The following MYO16 variants were observed in gnomAD, a reference collection of about 807,000 sequenced individuals.
The protein encoded by MYO16 is unconventional myosin-XVI.
In MYO16, 94 loss-of-function variants were observed where a neutral mutation model predicts 205.3. That is an observed-to-expected ratio of 0.46 (90% CI 0.39 to 0.54). The LOEUF (loss-of-function observed/expected upper bound fraction) is 0.54, where lower values mean the gene tolerates loss of function less well. MYO16 is among the 20% of genes least tolerant of loss of function. The pLI is 0.00. For synonymous variants in MYO16, 988 were observed against 954.0 expected, an observed-to-expected ratio of 1.04 and a Z score of -0.66; for missense variants, 2,315 against 2,387.5, an observed-to-expected ratio of 0.97 and a Z score of 0.63.
intron 4 of MYO16, among the ~76,000 whole-genome samples, chr13:108,759,740 G>C (rs1169157788): frequency 6.6e-6 from 1 of 150,820 alleles, no homozygotes; most frequent in Non-Finnish European, 1.5e-5. Flanking sequence ...AGAATGGCGT[G>C]AACCCAGGAG....
intron 20 of MYO16, among the ~76,000 whole-genome samples, chr13:108,969,097 A>ATT (rs1223920552): frequency 2.6e-5 from 4 of 152,142 alleles, no homozygotes; most frequent in Non-Finnish European, 5.9e-5. Context: ...AGTGAGTTGG[A>ATT]TCTTTTTTTG....
chr13:108,994,251 T>C (rs1217253918), intron 21 of MYO16, among the ~76,000 whole-genome samples: 1 of 152,076 alleles, frequency 6.6e-6, no homozygotes, highest in Non-Finnish European at 1.5e-5. Context: ...AAGCTAGCTT[T>C]AGGCATTTAT....
At chr13:108,556,337 A>G in the MYO16 span, among the ~76,000 whole-genome samples, 1 of 152,288 alleles carries the variant, frequency 6.6e-6, no homozygotes, top group Admixed American at 6.5e-5. Context: ...TTTAATGGGT[A>G]TGAGGTAATA....
chr13:108,761,934 G>T (rs1448196378), intron 4 of MYO16, among the ~76,000 whole-genome samples: 1 of 152,200 alleles, frequency 6.6e-6, no homozygotes, highest in South Asian at 2.1e-4. Context: ...TGAAGTTGTG[G>T]CTTTTAGGGT....
At chr13:109,100,703 T>A (rs1018931443) in intron 27 of MYO16, 82 bp from the exon 28 acceptor site, 28 of 1,094,050 alleles carry the variant, frequency 2.6e-5, no homozygotes, top group Non-Finnish European at 3.8e-5. Context: ...TGGGAAACGA[T>A]GTAACAAAGA....
chr13:109,195,057 G>A (rs1479742345), intron 34 of MYO16, among the ~76,000 whole-genome samples: 3 of 151,042 alleles, frequency 2.0e-5, no homozygotes, highest in African/African-American at 4.9e-5. Flanking sequence ...AAAAAAAAAA[G>A]GTACTTAAAT....
chr13:108,762,721 C>T (rs1885650001), intron 4 of MYO16, among the ~76,000 whole-genome samples: 2 of 152,150 alleles, frequency 1.3e-5, no homozygotes, highest in South Asian at 4.1e-4. Context: ...CAACTACATT[C>T]TGGAATTTTA....
chr13:108,634,988 T>C lies in MYO16; in HGVS notation c.28+5116T>C, dbSNP rs560303637. Among the ~76,000 whole-genome samples the C allele has an allele frequency of 2.0e-5, 3 of 152,360 alleles. No individual in the cohort carries two copies. The South Asian group carries it at 6.2e-4, about 32-fold the overall frequency. ...AAATTATATATCTAGGCATTGTTTC[T>C]TGATAGCTAAGTAGTGTAATAGTCT... is the stretch of plus-strand genomic sequence containing the variant. On this transcript the variant is annotated intron_variant, in intron 1 of 34. Transcript: ENST00000457511.
At chr13:108,897,874 C>T in intron 14 of MYO16, 142 bp from the exon 15 acceptor site, 1 of 682,042 alleles carries the variant, frequency 1.5e-6, no homozygotes, top group Non-Finnish European at 2.5e-6. Context: ...AAAAAGGGGT[C>T]TTAAAAATTC....
At chr13:108,811,390 G>C (rs1187213227) in intron 7 of MYO16, among the ~76,000 whole-genome samples, 2 of 151,556 alleles carry the variant, frequency 1.3e-5, no homozygotes, top group African/African-American at 4.9e-5. Flanking sequence ...TTTGATGTTT[G>C]CCATGTCTTT....
rs1566460439 is a variant in MYO16 at position 109,012,777 on chromosome 13, G to GTATA, written c.2595+3729_2595+3730insATAT. Among the ~76,000 whole-genome samples, 3 of 87,950 alleles carry GTATA rather than the reference G, an allele frequency of 3.4e-5. No individual in the cohort carries two copies. In the South Asian group the frequency reaches 1.3e-3, roughly 38 times the overall value. The allele number at this position is 87,950 out of a possible 152,430, so 57.7% of individuals were successfully genotyped here. On this transcript the variant is annotated intron_variant, in intron 22 of 34. Transcript: ENST00000457511. ...TTTCAAATTGTTGTTATATGTGTGTGTGTATATATATATATATATATGTAT... is the reference window on the plus strand; with the variant it reads ...TTTCAAATTGTTGTTATATGTGTGTGTATATGTATATATATATATATATATGTAT...
the MYO16 span, among the ~76,000 whole-genome samples, chr13:108,558,121 T>A: frequency 6.6e-6 from 1 of 152,204 alleles, no homozygotes; most frequent in Admixed American, 6.5e-5. Context: ...TAAATATCAA[T>A]TTTCCACAAA....
At chr13:109,191,967 C>A (rs563199098) in intron 34 of MYO16, among the ~76,000 whole-genome samples, 21 of 152,170 alleles carry the variant, frequency 1.4e-4, no homozygotes, top group African/African-American at 4.1e-4. Context: ...GAGAGAGACT[C>A]CAGGGAATCT....
At chr13:109,099,720 A>C (rs776393121) in intron 27 of MYO16, among the ~76,000 whole-genome samples, 6 of 152,138 alleles carry the variant, frequency 3.9e-5, no homozygotes, top group Non-Finnish European at 7.4e-5. Context: ...AAAATAAGAC[A>C]CACGTGTGAT....
chr13:109,007,424 G>T (rs1041317593), intron 21 of MYO16, among the ~76,000 whole-genome samples: 7 of 151,854 alleles, frequency 4.6e-5, no homozygotes, highest in Non-Finnish European at 1.0e-4. Context: ...TGTGCACATT[G>T]CTGATGACTT....
At chr13:108,715,909 T>C (rs954082548) in intron 3 of MYO16, among the ~76,000 whole-genome samples, 1 of 152,218 alleles carries the variant, frequency 6.6e-6, no homozygotes, top group African/African-American at 2.4e-5. Flanking sequence ...TAATGGAATA[T>C]GTGGCTTTTT....
chr13:109,038,231 C>T (rs1411037552), intron 23 of MYO16, among the ~76,000 whole-genome samples: 1 of 152,150 alleles, frequency 6.6e-6, no homozygotes. Context: ...CAGATGGCTG[C>T]TTGAACATCA....
At chr13:108,983,272 C>G (rs982325623) in intron 20 of MYO16, among the ~76,000 whole-genome samples, 1 of 152,172 alleles carries the variant, frequency 6.6e-6, no homozygotes, top group Non-Finnish European at 1.5e-5. Flanking sequence ...TTCTCTCTTA[C>G]CAATGCATTT....
the MYO16 span, among the ~76,000 whole-genome samples, chr13:108,587,566 T>A: frequency 6.6e-6 from 1 of 152,130 alleles, no homozygotes; most frequent in African/African-American, 2.4e-5. Context: ...TTCTATAAAT[T>A]AGGAATATGA....
Sources: allele counts gnomAD v4.1 joint callset (sites outside exome capture counted in the v4.1 genomes callset), GRCh38; gene constraint gnomAD v4.1.1; transcripts MANE v1.5; gene names NCBI Gene and HGNC (gene_info 2026-07-23, HGNC 2026-07-21).